LRRC1: variants seen among roughly 807,000 people sequenced by gnomAD.
The protein encoded by LRRC1 is leucine-rich repeat-containing protein 1.
In LRRC1, 28 loss-of-function variants were observed where a neutral mutation model predicts 69.9. That is an observed-to-expected ratio of 0.40 (90% confidence interval 0.30 to 0.55). LRRC1 has a LOEUF of 0.55. Ranked by LOEUF, LRRC1 falls within the 20% of genes least tolerant of loss-of-function variation. LRRC1 has a pLI of 0.47. For missense variants in LRRC1, 498 were observed against 609.0 expected (o/e 0.82, Z 1.92); for synonymous variants, 236 against 240.2 (o/e 0.98, Z 0.16).
intron 1 of LRRC1, among the ~76,000 whole-genome samples, chr6:53,804,832 T>C (rs1365144766): frequency 6.6e-6 from 1 of 152,246 alleles, no homozygotes; most frequent in Non-Finnish European, 1.5e-5. Context: ...TTCAGTTTTT[T>C]AGTCAGAGTT....
chr6:53,821,787 C>T lies in LRRC1; in HGVS notation c.160-20323C>T, dbSNP rs149594186. 3.3e-3 allele frequency among the ~76,000 whole-genome samples: 497 copies of T among 152,026 alleles called. 3 individuals are homozygous for T. Among genetic ancestry groups the T allele is most frequent in the African/African-American group, 0.011 (471 of 41,438 alleles). On this transcript the variant is annotated intron_variant, in intron 1 of 13. Coordinates refer to ENST00000370888, the MANE Select transcript of LRRC1 (RefSeq NM_018214.5). ...CTTTAAGGGAATTTTTTTTCAGCAA[C>T]GCTTTGGACCATTTACAGATGCAAC...
chr6:53,902,753 T>C lies in LRRC1; in HGVS notation c.906+6T>C. 1 of 1,564,344 alleles carries C rather than the reference T, an allele frequency of 6.4e-7. No individual in the cohort carries two copies. The highest frequency in any genetic ancestry group is 8.8e-7 in the Non-Finnish European group (1 of 1,139,416). On this transcript the variant is annotated splice_donor_region_variant and intron_variant, in intron 9 of 13. Coordinates refer to ENST00000370888, the MANE Select transcript of LRRC1 (RefSeq NM_018214.5). Reference sequence around the variant, plus strand: ...TTACAGAAAATCAGCTCCTGGTAAGTGTGGTTTGCACATATATCATAAAGA... The same window carrying C: ...TTACAGAAAATCAGCTCCTGGTAAGCGTGGTTTGCACATATATCATAAAGA...
chr6:53,922,995 A>ATT lies in LRRC1; in HGVS notation c.*215_*216dup. On this transcript the variant is annotated 3_prime_UTR_variant, in exon 14 of 14. Coordinates refer to ENST00000370888, the MANE Select transcript of LRRC1 (RefSeq NM_018214.5). ...AGCGCACCAGTGGTCTCCCGGTGTG[A>ATT]TTTTTTTTTTTTTTAATTTCAGTTG... 7.0e-5 allele frequency: 28 copies of ATT among 399,738 alleles called. No individual in the cohort carries two copies. Among genetic ancestry groups the ATT allele is most frequent in the South Asian group, 1.4e-4 (2 of 14,210 alleles). 24.8% of individuals were successfully genotyped at this position (399,738 alleles called of 1,614,324 possible). A position where few individuals can be genotyped will look rare whatever the true frequency, so the allele number is the denominator to read the frequency against.
At chr6:53,795,653 C>A (rs566051774) in intron 1 of LRRC1, among the ~76,000 whole-genome samples, 1 of 152,316 alleles carries the variant, frequency 6.6e-6, no homozygotes, top group East Asian at 1.9e-4. Flanking sequence ...GGGGCTCGTG[C>A]TATTGGAGAA....
At chr6:53,822,520 T>C (rs1266451606) in intron 1 of LRRC1, among the ~76,000 whole-genome samples, 1 of 152,180 alleles carries the variant, frequency 6.6e-6, no homozygotes. Flanking sequence ...AGTGAAAGCA[T>C]GTCTTACTAA....
At chr6:53,909,897 A>G (rs1414466880) in intron 10 of LRRC1, among the ~76,000 whole-genome samples, 1 of 152,210 alleles carries the variant, frequency 6.6e-6, no homozygotes, top group Admixed American at 6.5e-5. Flanking sequence ...AAGGAAAGTG[A>G]AAGTTCCCTT....
At chr6:53,916,386 T>A (rs1157428269) in intron 11 of LRRC1, among the ~76,000 whole-genome samples, 1 of 152,208 alleles carries the variant, frequency 6.6e-6, no homozygotes, top group Non-Finnish European at 1.5e-5. Context: ...AACAGCATAC[T>A]GTTGTGGAAT....
At chr6:53,897,445 C>A in intron 7 of LRRC1, 86 bp downstream of exon 7, 1 of 979,004 alleles carries the variant, frequency 1.0e-6, no homozygotes, top group Non-Finnish European at 1.5e-6. Context: ...ATAAGGTTTG[C>A]TATAAAAGGA....
chr6:53,849,224 C>G (rs976410078), intron 2 of LRRC1, among the ~76,000 whole-genome samples: 22 of 152,138 alleles, frequency 1.4e-4, no homozygotes, highest in African/African-American at 4.8e-4. Context: ...GTACTCCATC[C>G]CTCCCTAGCT....
In LRRC1 at chr6:53,830,769, A is replaced by C. The variant is rs1765403077; in HGVS notation, c.160-11341A>C. ...GTTGGAGAGGAACCCTTATACAATT[A>C]GGTTGGTTAGGTTGGTGCAAAAGTA... On this transcript the variant is annotated intron_variant, in intron 1 of 13. Coordinates refer to ENST00000370888, the MANE Select transcript of LRRC1 (RefSeq NM_018214.5). Among the ~76,000 whole-genome samples the C allele has an allele frequency of 1.3e-5, 2 of 151,822 alleles. 1 individual carries two copies. Among genetic ancestry groups the C allele is most frequent in the South Asian group, 4.2e-4 (2 of 4,804 alleles).
chr6:53,842,373 C>G (rs1465893808), intron 2 of LRRC1, 146 bp downstream of exon 2: 1 of 594,534 alleles, frequency 1.7e-6, no homozygotes, highest in African/African-American at 1.9e-5. Context: ...CCAGCTTCAT[C>G]CATGTCCCAA....
chr6:53,898,371 T>C (rs1425175881), intron 7 of LRRC1, among the ~76,000 whole-genome samples: 1 of 152,186 alleles, frequency 6.6e-6, no homozygotes, highest in African/African-American at 2.4e-5. Flanking sequence ...CTAGTTACTT[T>C]AGAAGTCAAA....
intron 1 of LRRC1, among the ~76,000 whole-genome samples, chr6:53,825,869 G>A (rs1003854320): frequency 3.3e-5 from 5 of 151,880 alleles, no homozygotes; most frequent in African/African-American, 1.2e-4. Flanking sequence ...GTCTTTTTAT[G>A]GTGTGTGCTT....
At chr6:53,882,856 T>C in intron 3 of LRRC1, 31 bp from the exon 4 acceptor site, 1 of 1,412,526 alleles carries the variant, frequency 7.1e-7, no homozygotes, top group African/African-American at 1.4e-5. Flanking sequence ...TTTTTTAATT[T>C]ACAGCGTTTT....
At chr6:53,827,927 G>C (rs1284969820) in intron 1 of LRRC1, among the ~76,000 whole-genome samples, 1 of 152,208 alleles carries the variant, frequency 6.6e-6, no homozygotes, top group Non-Finnish European at 1.5e-5. Flanking sequence ...GGCCCTGAAT[G>C]TGAAACTGAG....
chr6:53,809,995 G>C (rs1451482097), intron 1 of LRRC1, among the ~76,000 whole-genome samples: 1 of 152,238 alleles, frequency 6.6e-6, no homozygotes, highest in Admixed American at 6.5e-5. Flanking sequence ...CACCAGCAAG[G>C]CTGACAGTGA....
At chr6:53,904,918 G>A (rs1768180409) in intron 10 of LRRC1, 2 of 154,044 alleles carry the variant, frequency 1.3e-5, no homozygotes, top group African/African-American at 4.8e-5. Flanking sequence ...TCATGTCTTG[G>A]ATGAGGTTGA....
intron 2 of LRRC1, among the ~76,000 whole-genome samples, chr6:53,867,894 A>G (rs1766755120): frequency 6.6e-6 from 1 of 151,512 alleles, no homozygotes; most frequent in Admixed American, 6.6e-5. Context: ...TCAAGGCTGC[A>G]GTGAGCCAAG....
chr6:53,839,494 A>C (rs1765703830), intron 1 of LRRC1, among the ~76,000 whole-genome samples: 1 of 152,224 alleles, frequency 6.6e-6, no homozygotes. Context: ...TTAGTGTGAC[A>C]GTGAAAAACA....
Sources: gnomAD v4.1 joint callset for allele counts (sites outside exome capture counted in the v4.1 genomes callset) on GRCh38, gnomAD v4.1.1 for gene constraint, MANE v1.5 for transcripts, NCBI Gene and HGNC (gene_info 2026-07-23, HGNC 2026-07-21) for gene names.